DGKB: variants seen among roughly 807,000 people sequenced by gnomAD.
DGKB encodes the protein diacylglycerol kinase beta, also known as 90 kDa diacylglycerol kinase.
A neutral mutation model predicts 114.3 loss-of-function variants in DGKB; 67 were observed. The observed-to-expected ratio is 0.59, with a 90% CI of 0.48 to 0.72. DGKB has a LOEUF of 0.72. DGKB is among the 30% of genes least tolerant of loss of function. The pLI is 0.00. For synonymous variants in DGKB, 398 were observed against 323.1 expected (o/e 1.23, Z -2.49); for missense variants, 907 against 975.2 (o/e 0.93, Z 0.93).
intron 15 of DGKB, among the ~76,000 whole-genome samples, chr7:14,620,923 C>G (rs1197022481): frequency 2.6e-5 from 4 of 151,086 alleles, no homozygotes; most frequent in Admixed American, 6.6e-5. Context: ...ACAATACATT[C>G]TTTATTATTA....
Position 14,733,769 on chromosome 7 carries a change from G to C in DGKB, c.322+2272C>G, listed in dbSNP as rs553070225. Among the ~76,000 whole-genome samples, 66 of 146,010 alleles carry C rather than the reference G, an allele frequency of 4.5e-4. 2 individuals carry two copies. The South Asian group carries it at 0.014, about 32-fold the overall frequency. On this transcript the variant is annotated intron_variant, in intron 5 of 25. Coordinates refer to ENST00000402815, the MANE Select transcript of DGKB (RefSeq NM_001350709.2). ...AATAAAGAAGAAAGAAAGAAAGAAA[G>C]AAAGAAAGGAAGAAAGAAAGAAGGG...
intron 13 of DGKB, among the ~76,000 whole-genome samples, chr7:14,636,340 C>T (rs1215235521): frequency 2.0e-5 from 3 of 151,662 alleles, no homozygotes; most frequent in Non-Finnish European, 4.4e-5. Flanking sequence ...TCTAAATGCG[C>T]CCTCATTAGG....
At chr7:14,529,888 T>C (rs1275183463) in intron 20 of DGKB, among the ~76,000 whole-genome samples, 1 of 151,778 alleles carries the variant, frequency 6.6e-6, no homozygotes, top group African/African-American at 2.4e-5. Context: ...TTCTCAAATA[T>C]TCTCTTGTCC....
chr7:14,587,429 G>C (rs1188823855), intron 17 of DGKB, among the ~76,000 whole-genome samples: 3 of 152,090 alleles, frequency 2.0e-5, no homozygotes, highest in Non-Finnish European at 4.4e-5. Context: ...TCTACTCCTA[G>C]TAAAGATGCT....
intron 3 of DGKB, among the ~76,000 whole-genome samples, chr7:14,755,141 G>T (rs745996880): frequency 4.6e-5 from 7 of 152,054 alleles, no homozygotes; most frequent in Non-Finnish European, 1.0e-4. Context: ...TAAGGCTATT[G>T]TTTAGATTTC....
chr7:14,343,911 TTA>T (rs1167880733), intron 22 of DGKB, among the ~76,000 whole-genome samples: 1 of 147,796 alleles, frequency 6.8e-6, no homozygotes, highest in African/African-American at 2.5e-5. Context: ...ATATATGTAG[TTA>T]TATATGTCAT....
chr7:14,450,895 G>A (rs895572590), intron 21 of DGKB, among the ~76,000 whole-genome samples: 1 of 152,034 alleles, frequency 6.6e-6, no homozygotes, highest in Non-Finnish European at 1.5e-5. Context: ...AGGAAACAGA[G>A]GTCAGGACAA....
intron 25 of DGKB, among the ~76,000 whole-genome samples, chr7:14,174,377 C>G (rs983812415): frequency 6.6e-6 from 1 of 152,140 alleles, no homozygotes; most frequent in African/African-American, 2.4e-5. Flanking sequence ...CAACATGGGT[C>G]AAGTGTCTCC....
chr7:14,284,083 C>T (rs933723813), intron 23 of DGKB, among the ~76,000 whole-genome samples: 4 of 152,054 alleles, frequency 2.6e-5, no homozygotes, highest in Admixed American at 2.6e-4. Context: ...AGGCAACCTA[C>T]AAAATGGGAG....
intron 1 of DGKB, among the ~76,000 whole-genome samples, chr7:14,928,712 T>C (rs1451385184): frequency 6.6e-6 from 1 of 151,946 alleles, no homozygotes; most frequent in Non-Finnish European, 1.5e-5. Context: ...ACAAGTGCAA[T>C]ACTTTTTTAC....
chr7:14,736,503 A>C (rs1397949833), intron 4 of DGKB, among the ~76,000 whole-genome samples: 1 of 152,148 alleles, frequency 6.6e-6, no homozygotes, highest in African/African-American at 2.4e-5. Context: ...GCTCCTCTCT[A>C]AACTGGGAAT....
intron 23 of DGKB, among the ~76,000 whole-genome samples, chr7:14,249,194 C>T (rs1794885660): frequency 6.6e-6 from 1 of 151,922 alleles, no homozygotes; most frequent in South Asian, 2.1e-4. Context: ...GGAATAAATC[C>T]CACTTAATCA....
intron 20 of DGKB, among the ~76,000 whole-genome samples, chr7:14,548,290 G>A (rs1203739141): frequency 1.3e-5 from 2 of 152,168 alleles, no homozygotes; most frequent in Non-Finnish European, 2.9e-5. Flanking sequence ...GATTATAGGG[G>A]AAAATAGACC....
At chr7:14,729,933 T>C (rs1213417538) in intron 5 of DGKB, among the ~76,000 whole-genome samples, 2 of 152,142 alleles carry the variant, frequency 1.3e-5, no homozygotes, top group East Asian at 3.8e-4. Context: ...CACCTATCAA[T>C]TGAGTGCCTA....
At chr7:14,963,295 C>T (rs1244733966) in intron 1 of DGKB, among the ~76,000 whole-genome samples, 3 of 152,094 alleles carry the variant, frequency 2.0e-5, no homozygotes, top group African/African-American at 7.2e-5. Flanking sequence ...AATAAATACA[C>T]AAATACACAA....
rs1338265468 is a variant in DGKB, at chr7:14,516,359, A to C, written c.1771-38134T>G. On this transcript the variant is annotated intron_variant, in intron 20 of 25. Coordinates refer to ENST00000402815, the MANE Select transcript of DGKB (RefSeq NM_001350709.2). ...CTCTCTCCCAGTGCCATTTGTAACA[A>C]TACTGTTAATACTTTCTTGCCTAGT... Among the ~76,000 whole-genome samples, 5 of 152,214 alleles carry C rather than the reference A, an allele frequency of 3.3e-5. 1 individual carries two copies. The highest frequency in any genetic ancestry group is 1.2e-4 in the African/African-American group (5 of 41,450).
At chr7:14,858,036 C>T (rs774956348) in intron 1 of DGKB, among the ~76,000 whole-genome samples, 2 of 152,054 alleles carry the variant, frequency 1.3e-5, no homozygotes, top group Non-Finnish European at 2.9e-5. Context: ...ATTATTAAGG[C>T]TTATATTCCA....
At chr7:14,664,150 C>A (rs1019947606) in intron 13 of DGKB, among the ~76,000 whole-genome samples, 3 of 152,018 alleles carry the variant, frequency 2.0e-5, no homozygotes, top group African/African-American at 7.2e-5. Context: ...TACTTTCTAA[C>A]ATCTAATGAA....
intron 1 of DGKB, among the ~76,000 whole-genome samples, chr7:14,865,173 A>G (rs1176621054): frequency 1.3e-5 from 2 of 152,194 alleles, no homozygotes; most frequent in African/African-American, 2.4e-5. Context: ...GACTTGTGTT[A>G]GGGTTAAGAA....
Sources: allele counts gnomAD v4.1 joint callset (sites outside exome capture counted in the v4.1 genomes callset), GRCh38; gene constraint gnomAD v4.1.1; transcripts MANE v1.5; gene names NCBI Gene and HGNC (gene_info 2026-07-23, HGNC 2026-07-21).